Variants in OLA1 observed in about 807,000 individuals in gnomAD.
The protein encoded by OLA1 is obg-like ATPase 1.
A neutral mutation model predicts 48.4 loss-of-function variants in OLA1; 14 were observed. The ratio of observed to expected loss-of-function variants is 0.29; its 90% confidence interval spans 0.19 to 0.45. The LOEUF (loss-of-function observed/expected upper bound fraction) is 0.45. OLA1 is among the 20% of genes least tolerant of loss of function. The pLI is 1.00. For missense variants in OLA1, 325 were observed against 467.1 expected (o/e 0.70, Z 2.80); for synonymous variants, 127 against 150.4 (o/e 0.84, Z 1.14).
In OLA1 at chr2:174,128,751, T is replaced by A. The variant is rs889994494; in HGVS notation, c.550-5076A>T. On this transcript the variant is annotated intron_variant, in intron 5 of 10. Transcript: ENST00000284719. ...AAACTTGTCTCAAAAAAAAAAAAAA[T>A]AAAATAAAATAAACAAAGAAAATCT... 1.1e-3 allele frequency among the ~76,000 whole-genome samples: 156 copies of A among 142,480 alleles called. 1 individual carries two copies. The South Asian group carries it at 0.012, about 11-fold the overall frequency. The allele number at this position is 142,480 out of a possible 152,430, so 93.5% of individuals were successfully genotyped here.
chr2:174,127,832 T>G (rs1485861563), intron 5 of OLA1, among the ~76,000 whole-genome samples: 1 of 152,126 alleles, frequency 6.6e-6, no homozygotes, highest in Non-Finnish European at 1.5e-5. Flanking sequence ...CACTGAAAAT[T>G]TCTCTATCCT....
At chr2:174,191,575 C>G (rs1687778716) in intron 4 of OLA1, among the ~76,000 whole-genome samples, 1 of 152,068 alleles carries the variant, frequency 6.6e-6, no homozygotes, top group Non-Finnish European at 1.5e-5. Context: ...CCGCCTCAGC[C>G]CACTGAGTAG....
At chr2:174,148,986 C>T (rs1223401801) in intron 4 of OLA1, among the ~76,000 whole-genome samples, 1 of 152,190 alleles carries the variant, frequency 6.6e-6, no homozygotes, top group African/African-American at 2.4e-5. Context: ...TGCATTAAAT[C>T]AATCATGTCA....
At chr2:174,194,164 G>A (rs1006971483) in intron 4 of OLA1, among the ~76,000 whole-genome samples, 1 of 152,020 alleles carries the variant, frequency 6.6e-6, no homozygotes. Context: ...CGCTGTTCTC[G>A]TCCCCAGGGT....
rs182334946 is a variant in OLA1 at position 174,124,462 on chromosome 2, C to T, written c.550-787G>A. On this transcript the variant is annotated intron_variant, in intron 5 of 10. Transcript: ENST00000284719. ...AGATTAATCATCTGTGAAATGGAAA[C>T]GGCAAACAGCAAGTGACACAAACTG... The T allele has an allele frequency of 2.0e-5, 3 of 152,256 alleles. No individual in the cohort carries two copies. In the East Asian group the frequency reaches 5.8e-4, roughly 29 times the overall value. 9.4% of individuals were successfully genotyped at this position (152,256 alleles called of 1,614,324 possible).
intron 7 of OLA1, among the ~76,000 whole-genome samples, chr2:174,086,165 G>C (rs887635045): frequency 4.6e-5 from 7 of 152,138 alleles, no homozygotes; most frequent in Non-Finnish European, 2.9e-5. Flanking sequence ...TTCTGCACTA[G>C]GTTATGGGTA....
At chr2:174,169,872 T>A (rs886995679) in intron 4 of OLA1, among the ~76,000 whole-genome samples, 1 of 152,236 alleles carries the variant, frequency 6.6e-6, no homozygotes. Context: ...CATTTTTAAA[T>A]GGTTAATTTT....
At chr2:174,092,985 A>G (rs1398291406) in intron 7 of OLA1, among the ~76,000 whole-genome samples, 2 of 152,236 alleles carry the variant, frequency 1.3e-5, no homozygotes, top group African/African-American at 4.8e-5. Context: ...CAAAACAAGC[A>G]CCTCAAACTT....
chr2:174,135,463 C>G (rs978665904), intron 5 of OLA1, among the ~76,000 whole-genome samples: 2 of 151,956 alleles, frequency 1.3e-5, no homozygotes, highest in Non-Finnish European at 2.9e-5. Context: ...AGTTAAACTG[C>G]AAAAATAAAT....
chr2:174,186,486 C>T (rs919767208), intron 4 of OLA1, among the ~76,000 whole-genome samples: 2 of 152,202 alleles, frequency 1.3e-5, no homozygotes, highest in South Asian at 4.1e-4. Flanking sequence ...TTCAGCATCC[C>T]CAAGAGAAAA....
chr2:174,154,492 A>G (rs933223654), intron 4 of OLA1, among the ~76,000 whole-genome samples: 2 of 152,080 alleles, frequency 1.3e-5, no homozygotes, highest in African/African-American at 4.8e-5. Flanking sequence ...AGATAAAAAA[A>G]AATCCTTTCT....
Position 174,223,103 on chromosome 2 carries a change from G to C in OLA1, c.303C>G (p.His101Gln). 1 of 1,613,954 alleles carries C rather than the reference G, an allele frequency of 6.2e-7. No individual in the cohort carries two copies. Among genetic ancestry groups the C allele is most frequent in the East Asian group, 2.2e-5 (1 of 44,848 alleles). The change falls in exon 4 of 11, where the codon CAC (histidine) becomes CAG (glutamine). Residue 101 changes from histidine to glutamine, a missense_variant. By Grantham distance (24) the His-to-Gln change is conservative. Coordinates refer to ENST00000284719, the MANE Select transcript of OLA1 (RefSeq NM_013341.5). ...VDIAGLVKGA[H>Q]NGQGLGNAFL... ...AAGCATTCCCCAGGCCCTGCCCATTGTGAGCTCCTTTCACAAGGCCAGCAA... is the reference window on the plus strand; with the variant it reads ...AAGCATTCCCCAGGCCCTGCCCATTCTGAGCTCCTTTCACAAGGCCAGCAA...
At chr2:174,090,758 G>T (rs752015621) in intron 7 of OLA1, among the ~76,000 whole-genome samples, 8 of 152,150 alleles carry the variant, frequency 5.3e-5, no homozygotes, top group Non-Finnish European at 1.0e-4. Flanking sequence ...AACTACCTCG[G>T]GTCTTAGGTA....
chr2:174,116,972 G>A (rs1283599982), intron 7 of OLA1, among the ~76,000 whole-genome samples: 1 of 152,106 alleles, frequency 6.6e-6, no homozygotes, highest in Admixed American at 6.5e-5. Flanking sequence ...TTGTAACAAT[G>A]TAAACAAAGA....
At chr2:174,231,306 A>G (rs970134701) in intron 2 of OLA1, among the ~76,000 whole-genome samples, 10 of 152,238 alleles carry the variant, frequency 6.6e-5, no homozygotes, top group Admixed American at 2.6e-4. Flanking sequence ...ATGTTGTAAT[A>G]AAAGTACTTA....
At chr2:174,146,511 G>T (rs542810574) in intron 4 of OLA1, among the ~76,000 whole-genome samples, 164 of 152,212 alleles carry the variant, frequency 1.1e-3, no homozygotes, top group African/African-American at 3.7e-3. Context: ...GTAAGATCAT[G>T]AATGAAGATA....
At chr2:174,140,801 A>G (rs1050147422) in intron 5 of OLA1, among the ~76,000 whole-genome samples, 2 of 152,218 alleles carry the variant, frequency 1.3e-5, no homozygotes, top group Admixed American at 6.5e-5. Flanking sequence ...CATAGCCAGT[A>G]ACTGATATAA....
intron 4 of OLA1, among the ~76,000 whole-genome samples, chr2:174,170,857 T>C (rs899010564): frequency 3.3e-5 from 5 of 152,190 alleles, no homozygotes; most frequent in African/African-American, 1.2e-4. Context: ...TGAACCGTGA[T>C]TGTGGCACTG....
intron 4 of OLA1, among the ~76,000 whole-genome samples, chr2:174,174,686 C>T (rs1250482096): frequency 6.6e-6 from 1 of 151,874 alleles, no homozygotes; most frequent in Non-Finnish European, 1.5e-5. Context: ...AAAATTTAAT[C>T]GCCTTCATGG....
Sources: gnomAD v4.1 joint callset for allele counts (sites outside exome capture counted in the v4.1 genomes callset) on GRCh38, gnomAD v4.1.1 for gene constraint, MANE v1.5 for transcripts, NCBI Gene and HGNC (gene_info 2026-07-23, HGNC 2026-07-21) for gene names.